FBLN7: variants seen among roughly 807,000 people sequenced by gnomAD.
FBLN7 encodes the protein fibulin-7.
Under a neutral mutation model 44.0 loss-of-function variants are expected in FBLN7, and 31 were observed. The ratio of observed to expected loss-of-function variants is 0.70; its 90% CI spans 0.53 to 0.95. The LOEUF is 0.95. Among genes scored for constraint, FBLN7 ranks in the 40% least tolerant of loss-of-function variants. The pLI is 0.00. For synonymous variants in FBLN7, 262 were observed against 253.4 expected, an observed-to-expected ratio of 1.03 and a Z score of -0.32; for missense variants, 573 against 618.5, an observed-to-expected ratio of 0.93 and a Z score of 0.78.
intron 4 of FBLN7, 154 bp downstream of exon 4, chr2:112,175,993 GT>G: frequency 1.1e-6 from 1 of 916,746 alleles, no homozygotes; most frequent in Non-Finnish European, 1.6e-6. Flanking sequence ...GATCCCTCTG[GT>G]TTTCTAAGGT....
the FBLN7 span, among the ~76,000 whole-genome samples, chr2:112,243,278 C>G: frequency 6.6e-5 from 10 of 152,202 alleles, no homozygotes; most frequent in African/African-American, 2.2e-4. Flanking sequence ...AACTGAGGAG[C>G]TTCCGCCTAA....
the FBLN7 span, among the ~76,000 whole-genome samples, chr2:112,206,948 G>A: frequency 6.6e-6 from 1 of 151,154 alleles, no homozygotes; most frequent in Non-Finnish European, 1.5e-5. Context: ...TTCCAGGCTG[G>A]TCTCAAACTC....
chr2:112,194,432 A>G, the FBLN7 span, among the ~76,000 whole-genome samples: 2 of 152,168 alleles, frequency 1.3e-5, no homozygotes, highest in Non-Finnish European at 2.9e-5. Flanking sequence ...GACTCCCAAT[A>G]AAGCCACCTC....
intron 2 of FBLN7, among the ~76,000 whole-genome samples, chr2:112,160,700 GCACGCA>G (rs1274559849): frequency 9.2e-4 from 93 of 100,736 alleles, no homozygotes; most frequent in African/African-American, 2.9e-3. Context: ...ACGCACACAC[GCACGCA>G]CACACACAAG....
At chr2:112,238,285 C>A in the FBLN7 span, 1 of 1,601,730 alleles carries the variant, frequency 6.2e-7, no homozygotes, top group Admixed American at 1.7e-5. Flanking sequence ...TCTAGATAAA[C>A]TTTAAATGAT....
In FBLN7 at chr2:112,160,734, A is replaced by G. The variant is rs1414154875; in HGVS notation, c.235+899A>G. Among the ~76,000 whole-genome samples, 57 of 93,862 alleles carry G rather than the reference A, an allele frequency of 6.1e-4. 1 individual carries two copies. Among genetic ancestry groups the G allele is most frequent in the Admixed American group, 1.6e-3 (17 of 10,820 alleles). The allele number at this position is 93,862 out of a possible 152,430, so 61.6% of individuals were successfully genotyped here. On this transcript the variant is annotated intron_variant, in intron 2 of 7. Transcript: ENST00000331203. Reference sequence around the variant, plus strand: ...CACACAAGCACGCGCACACGCACGCACACGCACACACGCGCACGCACACAC... The same window carrying G: ...CACACAAGCACGCGCACACGCACGCGCACGCACACACGCGCACGCACACAC...
chr2:112,139,931 C>T (rs1471578046), intron 1 of FBLN7, among the ~76,000 whole-genome samples: 6 of 77,074 alleles, frequency 7.8e-5, no homozygotes, highest in Non-Finnish European at 1.2e-4. Flanking sequence ...TCTCTCCATG[C>T]CAGTGTCCCT....
chr2:112,142,006 T>A (rs546334601), intron 1 of FBLN7, among the ~76,000 whole-genome samples: 11 of 152,198 alleles, frequency 7.2e-5, no homozygotes, highest in Non-Finnish European at 1.2e-4. Context: ...CTGTCTTAGG[T>A]GCTTTGTGAG....
At chr2:112,156,640 C>T (rs970734448) in intron 1 of FBLN7, among the ~76,000 whole-genome samples, 4 of 152,106 alleles carry the variant, frequency 2.6e-5, no homozygotes, top group Non-Finnish European at 5.9e-5. Flanking sequence ...CCAGGACCTG[C>T]GTGGGAGGGA....
intron 3 of FBLN7, among the ~76,000 whole-genome samples, chr2:112,174,987 A>G (rs1388024926): frequency 6.6e-6 from 1 of 150,968 alleles, no homozygotes; most frequent in Non-Finnish European, 1.5e-5. Context: ...CTAGCAAAGA[A>G]AAATCACCTG....
chr2:112,199,263 AG>A, the FBLN7 span, among the ~76,000 whole-genome samples: 1 of 152,078 alleles, frequency 6.6e-6, no homozygotes, highest in South Asian at 2.1e-4. Context: ...GGTGACAGAC[AG>A]TTGTACGGTG....
chr2:112,187,101 G>T lies in FBLN7; in HGVS notation c.948-33G>T, dbSNP rs1176625616. 2 of 1,605,262 alleles carry T rather than the reference G, an allele frequency of 1.2e-6. No individual in the cohort carries two copies. The highest frequency in any genetic ancestry group is 2.7e-5 in the African/African-American group (2 of 74,844). On this transcript the variant is annotated intron_variant, in intron 7 of 7. Transcript: ENST00000331203. The surrounding 1 kb of genome is among the most constrained non-coding windows in gnomAD (Gnocchi z 5.1). ...GCAGCTCTTCATGAGACTCCCCAAG[G>T]CTGACTGCCTCCATTTTGCCTCTCC...
the FBLN7 span, chr2:112,233,223 T>C: frequency 9.9e-6 from 12 of 1,208,520 alleles, no homozygotes; most frequent in Non-Finnish European, 1.3e-5. Context: ...TTCATGTAAA[T>C]ATTTATAAAG....
At chr2:112,233,923 ACGT>A in the FBLN7 span, among the ~76,000 whole-genome samples, 2 of 152,168 alleles carry the variant, frequency 1.3e-5, no homozygotes, top group South Asian at 4.1e-4. Context: ...TGATCCACCC[ACGT>A]CGGCCTCCCA....
chr2:112,202,854 C>T, the FBLN7 span, among the ~76,000 whole-genome samples: 3 of 152,140 alleles, frequency 2.0e-5, no homozygotes, highest in Non-Finnish European at 4.4e-5. Context: ...CTCCACCCCC[C>T]ACTAAAATTC....
chr2:112,229,963 G>A, the FBLN7 span, among the ~76,000 whole-genome samples: 85 of 144,694 alleles, frequency 5.9e-4, no homozygotes, highest in Non-Finnish European at 1.1e-3. Flanking sequence ...AACAAAAAAC[G>A]AAAAGACCGT....
the FBLN7 span, among the ~76,000 whole-genome samples, chr2:112,228,719 TAGAAG>T: frequency 6.6e-6 from 1 of 151,920 alleles, no homozygotes; most frequent in Non-Finnish European, 1.5e-5. Context: ...GCATGATCCA[TAGAAG>T]AGAAAACTGA....
Position 112,170,581 on chromosome 2 carries a change from C to G in FBLN7, c.407-5133C>G, listed in dbSNP as rs1429126784. On this transcript the variant is annotated intron_variant, in intron 3 of 7. Transcript: ENST00000331203. ...AAAGGAAGGAGAATGAGCAAAGACC[C>G]CCAGGGAAGGGAAGAATTTGGCACA... is the stretch of plus-strand genomic sequence containing the variant. Among the ~76,000 whole-genome samples the G allele has an allele frequency of 5.9e-5, 9 of 151,718 alleles. No individual in the cohort carries two copies. In the East Asian group the frequency reaches 1.5e-3, roughly 26 times the overall value.
At chr2:112,141,130 G>T (rs1337173184) in intron 1 of FBLN7, among the ~76,000 whole-genome samples, 1 of 152,202 alleles carries the variant, frequency 6.6e-6, no homozygotes, top group Non-Finnish European at 1.5e-5. Flanking sequence ...GCAGCGGAGA[G>T]CCTGCACACG....
Sources: gnomAD v4.1 joint callset for allele counts (sites outside exome capture counted in the v4.1 genomes callset) on GRCh38, gnomAD v4.1.1 for gene constraint, Gnocchi (gnomAD v3.1) non-coding constraint, MANE v1.5 for transcripts, NCBI Gene and HGNC (gene_info 2026-07-23, HGNC 2026-07-21) for gene names.